Variants in IL1RAPL2 observed in about 807,000 individuals in gnomAD.
The protein encoded by IL1RAPL2 is interleukin 1 receptor accessory protein like 2.
Under a neutral mutation model 44.1 loss-of-function variants are expected in IL1RAPL2, and 3 were observed. The observed-to-expected ratio is 0.07, with a 90% CI of 0.03 to 0.18. IL1RAPL2 has a LOEUF of 0.18. Ranked by LOEUF, IL1RAPL2 falls within the 10% of genes least tolerant of loss-of-function variation. The pLI is 1.00. For missense variants in IL1RAPL2, 391 were observed against 496.4 expected (o/e 0.79, Z 2.02); for synonymous variants, 181 against 178.8 (o/e 1.01, Z -0.10).
chrX:105,610,507 TCTTG>T (rs750357809), intron 6 of IL1RAPL2, among the ~76,000 whole-genome samples: 54 of 111,714 alleles, frequency 4.8e-4, no homozygotes, highest in African/African-American at 1.7e-3. Context: ...CTGAGTTTTT[TCTTG>T]CTATCTTTTT....
At chrX:104,684,624 T>C (rs967732226) in intron 2 of IL1RAPL2, among the ~76,000 whole-genome samples, 1 of 112,285 alleles carries the variant, frequency 8.9e-6, no homozygotes, top group African/African-American at 3.2e-5. Flanking sequence ...CTTGACCTTA[T>C]GGGAATAAAG....
intron 5 of IL1RAPL2, among the ~76,000 whole-genome samples, chrX:105,386,092 G>T (rs2035474350): frequency 9.0e-6 from 1 of 111,386 alleles, no homozygotes; most frequent in Non-Finnish European, 1.9e-5. Flanking sequence ...AACAAATTAT[G>T]CCTTCAAAGG....
At chrX:104,886,655 G>A (rs1236017769) in intron 2 of IL1RAPL2, among the ~76,000 whole-genome samples, 1 of 112,051 alleles carries the variant, frequency 8.9e-6, no homozygotes, top group Non-Finnish European at 1.9e-5. Flanking sequence ...AAATACCAGA[G>A]GAAGCAGAAT....
intron 6 of IL1RAPL2, among the ~76,000 whole-genome samples, chrX:105,581,048 G>T (rs932118731): frequency 9.0e-6 from 1 of 110,905 alleles, no homozygotes; most frequent in Non-Finnish European, 1.9e-5. Context: ...CTGGCATAGT[G>T]AAGAGAACCT....
chrX:105,352,039 C>T (rs368939777), intron 5 of IL1RAPL2, among the ~76,000 whole-genome samples: 1 of 111,422 alleles, frequency 9.0e-6, no homozygotes, highest in Non-Finnish European at 1.9e-5. Flanking sequence ...CCTTCTTCCT[C>T]AGCCTCCCAA....
intron 2 of IL1RAPL2, among the ~76,000 whole-genome samples, chrX:105,039,545 A>C (rs1263072729): frequency 8.9e-6 from 1 of 111,845 alleles, no homozygotes; most frequent in East Asian, 2.8e-4. Context: ...GACAATGATT[A>C]CCCACTTAAT....
rs201827311 is a variant in IL1RAPL2, at chrX:105,041,417, C to T, written c.83-154058C>T. 3.1e-4 allele frequency among the ~76,000 whole-genome samples: 34 copies of T among 110,395 alleles called. 2 individuals carry two copies. The East Asian group carries it at 8.0e-3, about 26-fold the overall frequency. On this transcript the variant is annotated intron_variant, in intron 2 of 10. Coordinates refer to ENST00000372582, the MANE Select transcript of IL1RAPL2 (RefSeq NM_017416.2). ...GGTCTGTTTGGTGCAGAGCTGAGTT[C>T]GATTCCTGGGTATCCTTGTTGACTT... is the stretch of plus-strand genomic sequence containing the variant.
chrX:104,665,352 TAGC>T (rs1416220330), intron 2 of IL1RAPL2, among the ~76,000 whole-genome samples: 2 of 111,125 alleles, frequency 1.8e-5, no homozygotes, highest in East Asian at 5.7e-4. Flanking sequence ...TGTTTCATAG[TAGC>T]AAAAAATAAT....
chrX:104,663,397 G>C (rs1224168229), intron 2 of IL1RAPL2, among the ~76,000 whole-genome samples: 2 of 110,891 alleles, frequency 1.8e-5, no homozygotes, highest in African/African-American at 6.5e-5. Context: ...ACCCTCAAAG[G>C]AAACAATAAA....
chrX:104,804,769 A>G (rs1475027805), intron 2 of IL1RAPL2, among the ~76,000 whole-genome samples: 3 of 112,359 alleles, frequency 2.7e-5, no homozygotes, highest in Non-Finnish European at 3.8e-5. Flanking sequence ...TCATTAAGCA[A>G]CCACTCTATT....
chrX:105,687,581 A>T (rs1887231219), intron 6 of IL1RAPL2, among the ~76,000 whole-genome samples: 1 of 111,516 alleles, frequency 9.0e-6, no homozygotes, highest in Non-Finnish European at 1.9e-5. Context: ...TTGAAATAAT[A>T]ATAGCCTACC....
intron 8 of IL1RAPL2, 26 bp downstream of exon 8, chrX:105,740,717 T>C (rs2038492900): frequency 1.0e-5 from 12 of 1,173,217 alleles, no homozygotes; most frequent in Non-Finnish European, 1.3e-5. Context: ...ACTATAACTA[T>C]GGTTTGCTTA....
At chrX:105,087,516 T>C (rs2032493344) in intron 2 of IL1RAPL2, among the ~76,000 whole-genome samples, 1 of 111,997 alleles carries the variant, frequency 8.9e-6, no homozygotes, top group African/African-American at 3.2e-5. Flanking sequence ...ATAGCTGAGC[T>C]AATTGAAGGG....
At chrX:105,051,292 G>A (rs2031920411) in intron 2 of IL1RAPL2, among the ~76,000 whole-genome samples, 1 of 46,636 alleles carries the variant, frequency 2.1e-5, no homozygotes, top group African/African-American at 8.6e-5. Context: ...CAGGGACTGG[G>A]GGGTCATGTC....
At chrX:105,617,556 G>A (rs760964759) in intron 6 of IL1RAPL2, among the ~76,000 whole-genome samples, 92 of 111,616 alleles carry the variant, frequency 8.2e-4, no homozygotes, top group African/African-American at 2.9e-3. Flanking sequence ...CTCAAATTCA[G>A]AAAGCTCTTA....
At chrX:104,897,116 G>A (rs1923675271) in intron 2 of IL1RAPL2, among the ~76,000 whole-genome samples, 1 of 111,898 alleles carries the variant, frequency 8.9e-6, no homozygotes, top group African/African-American at 3.2e-5. Flanking sequence ...TGGAAGGAAC[G>A]AATTCTGGAC....
intron 2 of IL1RAPL2, among the ~76,000 whole-genome samples, chrX:104,955,532 A>G (rs1363471348): frequency 2.8e-5 from 3 of 107,345 alleles, no homozygotes; most frequent in Admixed American, 1.0e-4. Flanking sequence ...TCCCATATAT[A>G]TATTATACTC....
intron 2 of IL1RAPL2, among the ~76,000 whole-genome samples, chrX:104,800,343 A>G (rs754351427): frequency 3.6e-5 from 4 of 110,826 alleles, no homozygotes; most frequent in Middle Eastern, 9.3e-3. Context: ...TATGTATAGC[A>G]TACCCTATCA....
rs1272237100 is a variant in IL1RAPL2 at position 105,594,699 on chromosome X, G to A, written c.772+110312G>A. Among the ~76,000 whole-genome samples the A allele has an allele frequency of 5.4e-5, 6 of 111,827 alleles. No homozygotes were observed. In the Admixed American group the frequency reaches 5.7e-4, roughly 11 times the overall value. ...GGTAGGTGTCCATTGACAGTGAATT[G>A]GATAAAGGAAATCCATGAAATCATG... On this transcript the variant is annotated intron_variant, in intron 6 of 10. Transcript: ENST00000372582.
Sources: gnomAD v4.1 joint callset for allele counts (sites outside exome capture counted in the v4.1 genomes callset) on GRCh38, gnomAD v4.1.1 for gene constraint, MANE v1.5 for transcripts, NCBI Gene and HGNC (gene_info 2026-07-23, HGNC 2026-07-21) for gene names.